Variants in PEA15 observed in about 807,000 individuals in gnomAD.
PEA15 encodes astrocytic phosphoprotein PEA-15.
For missense variants in PEA15, 77 were observed against 161.3 expected, an observed-to-expected ratio of 0.48 and a Z score of 2.83; for synonymous variants, 60 against 61.8, an observed-to-expected ratio of 0.97 and a Z score of 0.13.
chr1:160,211,442 C>A, intron 1 of PEA15, 101 bp from the exon 2 acceptor site: 1 of 1,405,752 alleles, frequency 7.1e-7, no homozygotes. Flanking sequence ...AGGCACATGC[C>A]TGGTAGGGCA....
At position 160,213,307 on chromosome 1, in the gene PEA15, C is replaced by T; in HGVS notation, c.328+42C>T. ...TTAACTAGCTGCACCTCTGCCTCGT[C>T]CCGTTGACTATCCTTGGAGTACTTG... On this transcript the variant is annotated intron_variant, in intron 3 of 3. Coordinates refer to ENST00000360472, the MANE Select transcript of PEA15 (RefSeq NM_003768.5). This position sits in a 1 kb window ranked among gnomAD's most constrained non-coding sequence, Gnocchi z 5.3. The T allele has an allele frequency of 6.2e-7, 1 of 1,613,816 alleles. No homozygotes were observed. Among genetic ancestry groups the T allele is most frequent in the African/African-American group, 1.3e-5 (1 of 75,060 alleles).
chr1:160,207,688 T>TC (rs1450194147), intron 1 of PEA15, among the ~76,000 whole-genome samples: 1 of 151,674 alleles, frequency 6.6e-6, no homozygotes, highest in Admixed American at 6.6e-5. Context: ...GACAACCCCC[T>TC]CCTCCCCCAC....
intron 2 of PEA15, among the ~76,000 whole-genome samples, 164 bp downstream of exon 2, chr1:160,211,880 G>T (rs1487381789): frequency 6.6e-6 from 1 of 152,144 alleles, no homozygotes; most frequent in Admixed American, 6.5e-5. Context: ...ATTTTTCACT[G>T]TGCCCCTCAT....
chr1:160,212,160 G>A (rs1363195027), intron 2 of PEA15, among the ~76,000 whole-genome samples: 1 of 152,172 alleles, frequency 6.6e-6, no homozygotes, highest in African/African-American at 2.4e-5. Context: ...AGAGACTACT[G>A]CTTGGGGAGT....
rs946569921 is a variant in PEA15, at chr1:160,212,975, C to T, written c.173-135C>T. On this transcript the variant is annotated intron_variant, in intron 2 of 3. Transcript: ENST00000360472. ...GCTTTCTTCTCCTGGATTAGTAGCC[C>T]CTCTTCCTCCAGTGTTGTACCCTCC... The T allele has an allele frequency of 8.9e-6, 7 of 789,836 alleles. No homozygotes were observed. The Admixed American group carries it at 1.5e-4, about 17-fold the overall frequency. The allele number at this position is 789,836 out of a possible 1,614,324, so 48.9% of individuals were successfully genotyped here. A position where few individuals can be genotyped will look rare whatever the true frequency, so the allele number is the denominator to read the frequency against.
intron 1 of PEA15, among the ~76,000 whole-genome samples, chr1:160,207,829 T>TCCA (rs1485697809): frequency 2.0e-5 from 3 of 152,124 alleles, no homozygotes; most frequent in Non-Finnish European, 4.4e-5. Flanking sequence ...CTCTCTCCCT[T>TCCA]CCAACCCCTC....
chr1:160,213,492 G>C lies in PEA15; in HGVS notation c.*6G>C. On this transcript the variant is annotated 3_prime_UTR_variant, in exon 4 of 4. Transcript: ENST00000360472. The surrounding 1 kb of genome is among the most constrained non-coding windows in gnomAD (Gnocchi z 5.3). ...CCCCACCGAAGAAGGCCTGAGCAAG[G>C]GGGAGGAAGAGGAGGAAGGTTGGAC... 6.2e-7 allele frequency: 1 copy of C among 1,613,680 alleles called. No homozygotes were observed. Among genetic ancestry groups the C allele is most frequent in the Non-Finnish European group, 8.5e-7 (1 of 1,179,708 alleles).
Position 160,213,617 on chromosome 1 carries a change from C to A in PEA15, c.*131C>A. Reference sequence around the variant, plus strand: ...ACCTGGTCCTAACCCCCTTACTGTGCGCGTGTGTGTGCGTGTGCGCACGCT... The same window carrying A: ...ACCTGGTCCTAACCCCCTTACTGTGAGCGTGTGTGTGCGTGTGCGCACGCT... On this transcript the variant is annotated 3_prime_UTR_variant, in exon 4 of 4. Transcript: ENST00000360472. This position sits in a 1 kb window ranked among gnomAD's most constrained non-coding sequence, Gnocchi z 5.3. 1 of 540,368 alleles carries A rather than the reference C, an allele frequency of 1.9e-6. No individual in the cohort carries two copies. Among genetic ancestry groups the A allele is most frequent in the South Asian group, 1.7e-5 (1 of 60,502 alleles). The allele number at this position is 540,368 out of a possible 1,614,324, so 33.5% of individuals were successfully genotyped here. A position where few individuals can be genotyped will look rare whatever the true frequency, so the allele number is the denominator to read the frequency against.
chr1:160,211,778 T>G, intron 2 of PEA15, 62 bp downstream of exon 2: 2 of 1,508,976 alleles, frequency 1.3e-6, no homozygotes, highest in Non-Finnish European at 9.1e-7. Context: ...ATTCAGCAAA[T>G]AGAGATGAGC....
intron 1 of PEA15, among the ~76,000 whole-genome samples, chr1:160,207,581 G>C (rs993585516): frequency 1.4e-4 from 21 of 152,148 alleles, no homozygotes; most frequent in Admixed American, 1.3e-3. Flanking sequence ...TTCTTGGACT[G>C]AAGTGAACAT....
At chr1:160,212,360 G>A (rs1471898798) in intron 2 of PEA15, among the ~76,000 whole-genome samples, 1 of 152,100 alleles carries the variant, frequency 6.6e-6, no homozygotes, top group Non-Finnish European at 1.5e-5. Context: ...GCTTGACTAG[G>A]ATGTAGGGTG....
chr1:160,213,237 C>A lies in PEA15; in HGVS notation c.300C>A (p.Thr100=), dbSNP rs761174045. The A allele has an allele frequency of 1.1e-5, 18 of 1,614,230 alleles. No homozygotes were observed. Among genetic ancestry groups the A allele is most frequent in the Non-Finnish European group, 1.4e-5 (16 of 1,180,034 alleles). The change falls in exon 3 of 4, where the codon ACC becomes ACA. Residue 100 remains threonine, a synonymous_variant. Transcript: ENST00000360472. The surrounding 1 kb of genome is among the most constrained non-coding windows in gnomAD (Gnocchi z 5.3). The part of the protein sequence containing the change: ...SEEDELDTKL[T]RIPSAKKYKD... ...AGGATGAGCTGGACACCAAGCTAAC[C>A]CGTATCCCCAGTGCCAAGAAGTACA...
Position 160,214,092 on chromosome 1 carries a change from T to C in PEA15, c.*606T>C. The C allele has an allele frequency of 6.4e-6, 1 of 156,548 alleles. No homozygotes were observed. Among genetic ancestry groups the C allele is most frequent in the Non-Finnish European group, 1.4e-5 (1 of 70,458 alleles). 9.7% of individuals were successfully genotyped at this position (156,548 alleles called of 1,614,324 possible). On this transcript the variant is annotated 3_prime_UTR_variant, in exon 4 of 4. Coordinates refer to ENST00000360472, the MANE Select transcript of PEA15 (RefSeq NM_003768.5). Reference sequence around the variant, plus strand: ...AGGGATCCTTTCCTGGTCCCTAAGATCAAACCCCATGGAGCAGCCAGCGTT... The same window carrying C: ...AGGGATCCTTTCCTGGTCCCTAAGACCAAACCCCATGGAGCAGCCAGCGTT...
chr1:160,207,938 C>T (rs1017372149), intron 1 of PEA15, among the ~76,000 whole-genome samples: 1 of 152,188 alleles, frequency 6.6e-6, no homozygotes, highest in Non-Finnish European at 1.5e-5. Flanking sequence ...TAGGTCCTTG[C>T]AGCTGTCTGG....
chr1:160,212,455 C>T (rs1654916308), intron 2 of PEA15, among the ~76,000 whole-genome samples: 1 of 151,956 alleles, frequency 6.6e-6, no homozygotes, highest in Admixed American at 6.6e-5. Context: ...ACTCAGGGCC[C>T]TTCAGATATA....
Position 160,213,649 on chromosome 1 carries a change from G to GT in PEA15, c.*166dup, listed in dbSNP as rs1034794106. The GT allele has an allele frequency of 7.1e-5, 26 of 365,884 alleles. No individual in the cohort carries two copies. Among genetic ancestry groups the GT allele is most frequent in the Admixed American group, 1.4e-4 (4 of 27,648 alleles). The allele number at this position is 365,884 out of a possible 1,614,324, so 22.7% of individuals were successfully genotyped here. ...GTGTGCGTGTGCGCACGCTCTGGCTGTTTGTCTATATGTCTAGCTCATCTA... is the reference window on the plus strand; with the variant it reads ...GTGTGCGTGTGCGCACGCTCTGGCTGTTTTGTCTATATGTCTAGCTCATCTA... On this transcript the variant is annotated 3_prime_UTR_variant, in exon 4 of 4. Transcript: ENST00000360472. This position sits in a 1 kb window ranked among gnomAD's most constrained non-coding sequence, Gnocchi z 5.3.
chr1:160,213,269 A>G lies in PEA15; in HGVS notation c.328+4A>G. ...CCCAGTGCCAAGAAGTACAAAGGTA[A>G]GCGGCCACTCCTTTAACTAGCTGCA... On this transcript the variant is annotated splice_donor_region_variant and intron_variant, in intron 3 of 3. Transcript: ENST00000360472. This position sits in a 1 kb window ranked among gnomAD's most constrained non-coding sequence, Gnocchi z 5.3. 6.2e-7 allele frequency: 1 copy of G among 1,614,164 alleles called. No homozygotes were observed. Among genetic ancestry groups the G allele is most frequent in the Non-Finnish European group, 8.5e-7 (1 of 1,180,012 alleles).
At position 160,205,402 on chromosome 1, in the gene PEA15, G is replaced by GGCGGCGGCGGCGGCAGAA. The variant is rs973985253; in HGVS notation, c.-108_-91dup. On this transcript the variant is annotated 5_prime_UTR_variant, in exon 1 of 4. Coordinates refer to ENST00000360472, the MANE Select transcript of PEA15 (RefSeq NM_003768.5). The surrounding 1 kb of genome is among the most constrained non-coding windows in gnomAD (Gnocchi z 5.9). ...GGGCTCCGGCTCCGCGGGCGGAAGA[G>GGCGGCGGCGGCGGCAGAA]GCGGCGGCGGCGGCAGAAGCGGCGG... 1 of 176,328 alleles carries GGCGGCGGCGGCGGCAGAA rather than the reference G, an allele frequency of 5.7e-6. No homozygotes were observed. Among genetic ancestry groups the GGCGGCGGCGGCGGCAGAA allele is most frequent in the Non-Finnish European group, 1.1e-5 (1 of 89,226 alleles). The allele number at this position is 176,328 out of a possible 1,614,324, so 10.9% of individuals were successfully genotyped here. A position where few individuals can be genotyped will look rare whatever the true frequency, so the allele number is the denominator to read the frequency against.
At chr1:160,211,509 C>T (rs1654875326) in intron 1 of PEA15, 34 bp from the exon 2 acceptor site, 1 of 1,577,822 alleles carries the variant, frequency 6.3e-7, no homozygotes. Flanking sequence ...ACCTTAAGCT[C>T]AACTCCTATC....
Sources: gnomAD v4.1 joint callset for allele counts (sites outside exome capture counted in the v4.1 genomes callset) on GRCh38, gnomAD v4.1.1 for gene constraint, Gnocchi (gnomAD v3.1) non-coding constraint, MANE v1.5 for transcripts, NCBI Gene and HGNC (gene_info 2026-07-23, HGNC 2026-07-21) for gene names.